Variants in CNTN3 observed in about 807,000 individuals in gnomAD.
CNTN3 encodes the protein contactin-3.
Under a neutral mutation model 119.1 loss-of-function variants are expected in CNTN3, and 60 were observed. That is an observed-to-expected ratio of 0.50 (90% CI 0.41 to 0.62). The LOEUF is 0.62. Among genes scored for constraint, CNTN3 ranks in the 20% least tolerant of loss-of-function variants. CNTN3 has a pLI of 0.00. For synonymous variants in CNTN3, 450 were observed against 438.7 expected, an observed-to-expected ratio of 1.03 and a Z score of -0.32; for missense variants, 1,101 against 1,242.4, an observed-to-expected ratio of 0.89 and a Z score of 1.71.
chr3:74,303,024 T>C (rs1410078299), intron 13 of CNTN3, among the ~76,000 whole-genome samples: 1 of 152,138 alleles, frequency 6.6e-6, no homozygotes, highest in African/African-American at 2.4e-5. Context: ...TGTAGCCAAA[T>C]AAACAACAAG....
chr3:74,409,130 T>C (rs541610685), intron 5 of CNTN3, among the ~76,000 whole-genome samples: 1 of 152,308 alleles, frequency 6.6e-6, no homozygotes, highest in Non-Finnish European at 1.5e-5. Flanking sequence ...GCCATTCACC[T>C]GAGGCTGTCT....
chr3:74,426,777 G>A (rs1433872025), intron 4 of CNTN3, among the ~76,000 whole-genome samples: 2 of 152,166 alleles, frequency 1.3e-5, no homozygotes, highest in African/African-American at 4.8e-5. Flanking sequence ...AACTAACTGA[G>A]TTAGAACTGC....
At chr3:74,435,111 G>A (rs1265376390) in intron 4 of CNTN3, among the ~76,000 whole-genome samples, 1 of 152,024 alleles carries the variant, frequency 6.6e-6, no homozygotes, top group Non-Finnish European at 1.5e-5. Context: ...GCAAAACCCA[G>A]TCTTTCTCTT....
intron 2 of CNTN3, among the ~76,000 whole-genome samples, chr3:74,506,357 T>C (rs536276873): frequency 2.6e-4 from 39 of 152,294 alleles, no homozygotes; most frequent in African/African-American, 8.7e-4. Flanking sequence ...CCAATGGCTA[T>C]ATTTTTGCTT....
chr3:74,267,688 T>A (rs1336695685), intron 20 of CNTN3: 2 of 275,810 alleles, frequency 7.3e-6, no homozygotes, highest in South Asian at 1.1e-4. Flanking sequence ...AGATAATTCA[T>A]TTTATCATGC....
chr3:74,565,986 T>TC (rs1023706497), intron 1 of CNTN3, among the ~76,000 whole-genome samples: 1 of 152,004 alleles, frequency 6.6e-6, no homozygotes, highest in Non-Finnish European at 1.5e-5. Flanking sequence ...AAAGTGGAGT[T>TC]CCCCCACACA....
chr3:74,553,414 A>G (rs993284195), intron 1 of CNTN3, among the ~76,000 whole-genome samples: 42 of 152,284 alleles, frequency 2.8e-4, no homozygotes, highest in African/African-American at 8.9e-4. Flanking sequence ...ATGTGTCTTT[A>G]TCATAGAATG....
At chr3:74,301,981 T>G (rs895298406) in intron 14 of CNTN3, among the ~76,000 whole-genome samples, 176 bp from the exon 15 acceptor site, 1 of 152,184 alleles carries the variant, frequency 6.6e-6, no homozygotes, top group Non-Finnish European at 1.5e-5. Flanking sequence ...CCCTCTACTC[T>G]CCCTCCCCGC....
intron 12 of CNTN3, among the ~76,000 whole-genome samples, chr3:74,335,792 G>T (rs146200923): frequency 9.9e-5 from 15 of 152,026 alleles, no homozygotes; most frequent in African/African-American, 2.9e-4. Context: ...TCTACAAACT[G>T]CTTGCATAAT....
chr3:74,329,320 TA>T (rs1703206696), intron 13 of CNTN3, among the ~76,000 whole-genome samples: 1 of 152,220 alleles, frequency 6.6e-6, no homozygotes, highest in Admixed American at 6.5e-5. Flanking sequence ...CTCAAGTTTT[TA>T]TTACTTCCAG....
chr3:74,529,730 A>AT (rs1462658452), intron 1 of CNTN3, among the ~76,000 whole-genome samples: 1 of 152,082 alleles, frequency 6.6e-6, no homozygotes, highest in African/African-American at 2.4e-5. Context: ...TGTAAACAAT[A>AT]TTTTTTTGGG....
At chr3:74,368,828 G>C (rs1478768491) in intron 8 of CNTN3, among the ~76,000 whole-genome samples, 1 of 151,160 alleles carries the variant, frequency 6.6e-6, no homozygotes, top group African/African-American at 2.4e-5. Context: ...CTTTAGTAGA[G>C]GTAACAAAGA....
intron 5 of CNTN3, among the ~76,000 whole-genome samples, chr3:74,415,320 A>G (rs996044085): frequency 1.3e-5 from 2 of 152,134 alleles, no homozygotes; most frequent in South Asian, 4.2e-4. Context: ...TCACCTGTAG[A>G]CTGAAAGTGT....
At chr3:74,440,974 T>C (rs7430687) in intron 4 of CNTN3, among the ~76,000 whole-genome samples, 145,613 of 152,248 alleles carry the variant, frequency 0.96, 69,701 homozygotes, top group East Asian at 1. Flanking sequence ...ATGAGAGTCC[T>C]GGAAACAATC....
chr3:74,571,060 A>T (rs1704325396), intron 1 of CNTN3, among the ~76,000 whole-genome samples: 1 of 152,212 alleles, frequency 6.6e-6, no homozygotes, highest in South Asian at 2.1e-4. Flanking sequence ...GCATTTGCAA[A>T]GATAAGTGCT....
At chr3:74,319,677 A>C (rs1475599433) in intron 13 of CNTN3, among the ~76,000 whole-genome samples, 2 of 151,992 alleles carry the variant, frequency 1.3e-5, no homozygotes, top group South Asian at 4.2e-4. Flanking sequence ...GGATCCAATT[A>C]AACTAAAGAG....
Position 74,285,389 on chromosome 3 carries a change from C to G in CNTN3, c.2620G>C (p.Ala874Pro). The stretch of plus-strand genomic sequence containing the variant: ...TAAGCCCGGACAGCCGTGTAATAGG[C>G]CAGGTTGCTCTTCAGGCCCCGTAGT... Reference protein sequence around the residue: ...ARLRGLKSNLAYYTAVRAYNS... With the variant: ...ARLRGLKSNLPYYTAVRAYNS... Residue 874 changes from alanine to proline, a missense_variant, in exon 20 of 23, where the codon GCC becomes CCC. By Grantham distance (27) the Ala-to-Pro change is conservative (BLOSUM62 -1). Transcript: ENST00000263665. 6.2e-7 allele frequency: 1 copy of G among 1,613,634 alleles called. No individual in the cohort carries two copies. Among genetic ancestry groups the G allele is most frequent in the Non-Finnish European group, 8.5e-7 (1 of 1,179,794 alleles).
At chr3:74,514,252 G>C (rs968453449) in intron 2 of CNTN3, among the ~76,000 whole-genome samples, 2 of 152,036 alleles carry the variant, frequency 1.3e-5, no homozygotes, top group African/African-American at 4.8e-5. Flanking sequence ...TCAACAATTT[G>C]ACAGACCAAG....
At chr3:74,554,217 C>A (rs544764700) in intron 1 of CNTN3, among the ~76,000 whole-genome samples, 2 of 152,222 alleles carry the variant, frequency 1.3e-5, no homozygotes, top group African/African-American at 2.4e-5. Context: ...TGTCAAAGAT[C>A]AGCTAGTGGT....
Sources: allele counts gnomAD v4.1 joint callset (sites outside exome capture counted in the v4.1 genomes callset), GRCh38; gene constraint gnomAD v4.1.1; transcripts MANE v1.5; gene names NCBI Gene and HGNC (gene_info 2026-07-23, HGNC 2026-07-21).